PEPD: variants seen among roughly 807,000 people sequenced by gnomAD.
The protein encoded by PEPD is xaa-Pro dipeptidase.
In PEPD, 53 loss-of-function variants were observed where a neutral mutation model predicts 60.7. The ratio of observed to expected loss-of-function variants is 0.87; its 90% confidence interval spans 0.70 to 1.10. The LOEUF is 1.10. PEPD is among the 50% of genes least tolerant of loss of function. The pLI is 0.00. For synonymous variants in PEPD, 267 were observed against 284.1 expected (o/e 0.94, Z 0.60); for missense variants, 711 against 711.9 (o/e 1.00, Z 0.01).
At chr19:33,485,079 G>A (rs528857320) in intron 6 of PEPD, among the ~76,000 whole-genome samples, 5 of 152,230 alleles carry the variant, frequency 3.3e-5, no homozygotes, top group East Asian at 1.9e-4. Context: ...GCTTCTTTCC[G>A]GGCATATCTC....
At chr19:33,467,055 G>A (rs1970032433) in intron 7 of PEPD, among the ~76,000 whole-genome samples, 1 of 151,736 alleles carries the variant, frequency 6.6e-6, no homozygotes, top group Non-Finnish European at 1.5e-5. Flanking sequence ...TACTCGGGAG[G>A]CTGAGGCAGG....
At position 33,512,580 on chromosome 19, in the gene PEPD, C is replaced by T. The variant is rs780612884; in HGVS notation, c.201+13G>A. ...ACACACCTGCTCACTTGTGGCCAAG[C>T]GGGGAGGCTCACCTGGCGGAAGAGG... On this transcript the variant is annotated intron_variant, in intron 2 of 14. Transcript: ENST00000244137. 215 of 1,611,892 alleles carry T rather than the reference C, an allele frequency of 1.3e-4. No homozygotes were observed. The highest frequency in any genetic ancestry group is 1.8e-4 in the Non-Finnish European group (212 of 1,179,442).
chr19:33,427,202 T>C (rs1358314300), intron 9 of PEPD, among the ~76,000 whole-genome samples: 2 of 151,990 alleles, frequency 1.3e-5, no homozygotes, highest in African/African-American at 4.8e-5. Context: ...AGAAGAGGAG[T>C]GCCTTGGCCA....
At chr19:33,505,271 C>CA (rs1970778005) in intron 3 of PEPD, among the ~76,000 whole-genome samples, 1 of 152,118 alleles carries the variant, frequency 6.6e-6, no homozygotes. Context: ...CAGAAGGCAG[C>CA]GGCATTTGCT....
rs550928383 is a variant in PEPD, at chr19:33,497,299, C to G, written c.393+3639G>C. Among the ~76,000 whole-genome samples the G allele has an allele frequency of 3.9e-5, 6 of 152,352 alleles. No homozygotes were observed. In the South Asian group the frequency reaches 1.0e-3, roughly 26 times the overall value. ...GTAGCAGACTTGGTGACCCTCGGAC[C>G]TTCTCACATATGCCTGGCGCCATAA... On this transcript the variant is annotated intron_variant, in intron 4 of 14. Transcript: ENST00000244137.
chr19:33,423,095 T>TCATC (rs56734200), intron 9 of PEPD, among the ~76,000 whole-genome samples: 11,316 of 147,398 alleles, frequency 0.077, 1,244 homozygotes, highest in African/African-American at 0.25. Context: ...TACCTACTTA[T>TCATC]CATCCATCCA....
chr19:33,517,954 C>CAAA (rs74174669), intron 1 of PEPD, among the ~76,000 whole-genome samples: 8 of 119,656 alleles, frequency 6.7e-5, no homozygotes, highest in Non-Finnish European at 8.9e-5. Context: ...GACTCCCTCT[C>CAAA]AAAAAAAAAA....
intron 11 of PEPD, among the ~76,000 whole-genome samples, chr19:33,408,868 T>C (rs1195333277): frequency 1.3e-5 from 2 of 152,206 alleles, no homozygotes; most frequent in Non-Finnish European, 2.9e-5. Flanking sequence ...AATACAACAA[T>C]GGACTATAAA....
At chr19:33,452,078 A>G (rs956405705) in intron 9 of PEPD, among the ~76,000 whole-genome samples, 3 of 152,240 alleles carry the variant, frequency 2.0e-5, no homozygotes, top group Non-Finnish European at 4.4e-5. Flanking sequence ...TAAAATACTG[A>G]CCAAAATATT....
chr19:33,498,194 T>C (rs906071418), intron 4 of PEPD, among the ~76,000 whole-genome samples: 2 of 152,058 alleles, frequency 1.3e-5, no homozygotes, highest in Non-Finnish European at 2.9e-5. Flanking sequence ...ACAGCAGCAG[T>C]AACAGTAACA....
At chr19:33,438,636 A>G (rs899619144) in intron 9 of PEPD, among the ~76,000 whole-genome samples, 2 of 152,180 alleles carry the variant, frequency 1.3e-5, no homozygotes, top group Non-Finnish European at 2.9e-5. Context: ...CAGGAGGAAA[A>G]TATTCTCCCC....
chr19:33,450,540 C>T (rs538602325), intron 9 of PEPD, among the ~76,000 whole-genome samples: 13 of 152,124 alleles, frequency 8.5e-5, no homozygotes, highest in Non-Finnish European at 1.8e-4. Context: ...AACAAAAGAA[C>T]CCTCCAACAA....
intron 14 of PEPD, 109 bp from the exon 15 acceptor site, chr19:33,387,590 C>A: frequency 7.0e-7 from 1 of 1,430,544 alleles, no homozygotes; most frequent in East Asian, 2.3e-5. Flanking sequence ...GCAGCTGACA[C>A]TCCCTGGGAG....
chr19:33,501,815 G>C (rs1006671799), intron 3 of PEPD, among the ~76,000 whole-genome samples: 1 of 152,092 alleles, frequency 6.6e-6, no homozygotes, highest in Non-Finnish European at 1.5e-5. Context: ...CAATCTTCCT[G>C]CCTCAGCCTC....
chr19:33,484,788 A>C (rs1463656788), intron 6 of PEPD, among the ~76,000 whole-genome samples: 70 of 152,250 alleles, frequency 4.6e-4, no homozygotes, highest in Non-Finnish European at 5.9e-5. Context: ...TCAGACACAA[A>C]AATATACTCA....
rs767644256 is a variant in PEPD, at chr19:33,462,977, A to G, written c.671+18T>C. 3.2e-6 allele frequency: 5 copies of G among 1,544,420 alleles called. No individual in the cohort carries two copies. In the South Asian group the frequency reaches 5.6e-5, roughly 17 times the overall value. On this transcript the variant is annotated intron_variant, in intron 9 of 14. Transcript: ENST00000244137. The stretch of plus-strand genomic sequence containing the variant: ...TTTTTTACCTTTTAATTTTACCCGG[A>G]GAAACATGGTGGCTTACCTTTCCAA...
chr19:33,387,623 C>G, intron 14 of PEPD, 142 bp from the exon 15 acceptor site: 5 of 1,074,744 alleles, frequency 4.7e-6, no homozygotes, highest in Non-Finnish European at 7.0e-6. Flanking sequence ...CGGGCTCCTT[C>G]ATGGAGCCAT....
Position 33,442,480 on chromosome 19 carries a change from C to T in PEPD, c.671+20515G>A, listed in dbSNP as rs112432346. On this transcript the variant is annotated intron_variant, in intron 9 of 14. Coordinates refer to ENST00000244137, the MANE Select transcript of PEPD (RefSeq NM_000285.4). ...CTTTGGGAGGCTGAGGCGGGTAGAT[C>T]ATGAGGTCAGGAGATCAAGACCATC... is the stretch of plus-strand genomic sequence containing the variant. Among the ~76,000 whole-genome samples the T allele has an allele frequency of 1.9e-3, 278 of 148,442 alleles. 2 individuals carry two copies. Among genetic ancestry groups the T allele is most frequent in the African/African-American group, 3.6e-3 (145 of 40,224 alleles).
At chr19:33,459,797 C>T (rs1969893507) in intron 9 of PEPD, among the ~76,000 whole-genome samples, 1 of 152,072 alleles carries the variant, frequency 6.6e-6, no homozygotes. Context: ...GGTGGTGTGT[C>T]CACCTTCGAG....
Sources: allele counts gnomAD v4.1 joint callset (sites outside exome capture counted in the v4.1 genomes callset), GRCh38; gene constraint gnomAD v4.1.1; transcripts MANE v1.5; gene names NCBI Gene and HGNC (gene_info 2026-07-23, HGNC 2026-07-21).